The following PDZD7 variants were observed in gnomAD, a reference collection of about 807,000 sequenced individuals.
PDZD7 encodes the protein PDZ domain-containing protein 7.
Under a neutral mutation model 84.7 loss-of-function variants are expected in PDZD7, and 72 were observed. The observed-to-expected ratio is 0.85, with a 90% confidence interval of 0.70 to 1.03. The LOEUF (loss-of-function observed/expected upper bound fraction) is 1.03. Among genes scored for constraint, PDZD7 ranks in the 50% least tolerant of loss-of-function variants. The pLI is 0.00. For synonymous variants in PDZD7, 594 were observed against 580.7 expected (o/e 1.02, Z -0.33); for missense variants, 1,490 against 1,412.9 (o/e 1.05, Z -0.87).
intron 12 of PDZD7, 70 bp from the exon 13 acceptor site, chr10:101,012,086 GC>G: frequency 6.5e-7 from 1 of 1,538,626 alleles, no homozygotes. Context: ...GTGCCAGGAT[GC>G]CCTTCAGCCC....
chr10:101,011,733 C>A lies in PDZD7; in HGVS notation c.1962G>T (p.Arg654=), dbSNP rs1852399151. 1.3e-6 allele frequency: 2 copies of A among 1,546,148 alleles called. No individual in the cohort carries two copies. The highest frequency in any genetic ancestry group is 2.4e-5 in the South Asian group (2 of 84,066). The change falls in exon 14 of 17, where the codon CGG becomes CGT. Residue 654 remains arginine (R), a synonymous_variant. Transcript: ENST00000619208. ...AVRPPALRPA[R]QDTPPKRHLI... is the part of the protein sequence containing the mutation. ...GGTGACGCTTGGGTGGCGTGTCCTGCCGGGCTGGTCTCAAAGCAGGAGGCC... is the reference window on the plus strand; with the variant it reads ...GGTGACGCTTGGGTGGCGTGTCCTGACGGGCTGGTCTCAAAGCAGGAGGCC...
At chr10:101,009,430 TC>T in intron 15 of PDZD7, 80 bp from the exon 16 acceptor site, 1 of 1,161,132 alleles carries the variant, frequency 8.6e-7, no homozygotes, top group Non-Finnish European at 1.2e-6. Flanking sequence ...TAGAATCCCA[TC>T]CCCAAATCCA....
intron 14 of PDZD7, 176 bp downstream of exon 14, chr10:101,011,514 G>A: frequency 7.0e-7 from 1 of 1,432,410 alleles, no homozygotes; most frequent in Non-Finnish European, 9.1e-7. Flanking sequence ...TAGTACAGGT[G>A]GTGACCAGCA....
intron 14 of PDZD7, 68 bp downstream of exon 14, chr10:101,011,621 AG>A: frequency 6.6e-7 from 1 of 1,520,148 alleles, no homozygotes; most frequent in Non-Finnish European, 8.8e-7. Context: ...AAGAAGTAGA[AG>A]GCCCATCCTC....
At position 101,030,098 on chromosome 10, in the gene PDZD7, C is replaced by T. The variant is rs934445599; in HGVS notation, c.122G>A (p.Arg41Gln). 1.2e-6 allele frequency: 2 copies of T among 1,614,058 alleles called. No homozygotes were observed. The highest frequency in any genetic ancestry group is 2.7e-5 in the African/African-American group (2 of 74,942). Residue 41 changes from arginine to glutamine, a missense_variant, in exon 2 of 17, where the codon CGA becomes CAA. By Grantham distance (43) the Arg-to-Gln change is conservative. Transcript: ENST00000619208. Reference protein sequence around the residue: ...LGSDSGSTATRYLLRKQQRLL... With the variant: ...LGSDSGSTATQYLLRKQQRLL... The stretch of plus-strand genomic sequence containing the variant: ...CCGTTGTTGCTTCCTTAGCAGGTAT[C>T]GCGTTGCGGTGGAGCCTGAGTCGCT...
At chr10:101,020,498 A>C in intron 7 of PDZD7, 120 bp downstream of exon 7, 1 of 962,992 alleles carries the variant, frequency 1.0e-6, no homozygotes, top group Non-Finnish European at 1.6e-6. Flanking sequence ...TCAGCCTCCC[A>C]AAATGCTGGG....
chr10:101,025,091 A>C (rs1937617075), intron 2 of PDZD7, among the ~76,000 whole-genome samples: 1 of 152,210 alleles, frequency 6.6e-6, no homozygotes, highest in Non-Finnish European at 1.5e-5. Flanking sequence ...AGATGTTTTC[A>C]TCTGTGTAAA....
At chr10:101,012,372 T>C in intron 11 of PDZD7, 114 bp from the exon 12 acceptor site, 1 of 915,526 alleles carries the variant, frequency 1.1e-6, no homozygotes, top group Middle Eastern at 2.2e-4. Flanking sequence ...TATCCAGCCC[T>C]GCGTGCCTTG....
Position 101,018,851 on chromosome 10 carries a change from G to A in PDZD7, c.1295C>T (p.Thr432Met), listed in dbSNP as rs1433903629. The A allele has an allele frequency of 1.2e-6, 2 of 1,603,298 alleles. No homozygotes were observed. The highest frequency in any genetic ancestry group is 1.7e-6 in the Non-Finnish European group (2 of 1,174,836). Reference protein sequence around the residue: ...LALSRPRPPITRSQSYLTLWE... With the variant: ...LALSRPRPPIMRSQSYLTLWE... The stretch of plus-strand genomic sequence containing the variant: ...CAAGGTCAGATAGCTCTGGGAGCGC[G>A]TGATGGGGGGCCGGGGTCGGCTGAG... Residue 432 changes from threonine to methionine, a missense_variant, in exon 8 of 17, where the codon ACG (threonine) becomes ATG (methionine). Thr to Met is a moderately conservative substitution (Grantham distance 81). Transcript: ENST00000619208.
chr10:101,019,233 A>G lies in PDZD7; in HGVS notation c.929-16T>C. On this transcript the variant is annotated splice_polypyrimidine_tract_variant and intron_variant, in intron 7 of 16. Transcript: ENST00000619208. ...CCGTTGCTCACTGCAGGGAGTAGAGAAGCCAGGGATCAGCGGGCTTGCTTC... is the reference window on the plus strand; with the variant it reads ...CCGTTGCTCACTGCAGGGAGTAGAGGAGCCAGGGATCAGCGGGCTTGCTTC... 1 of 1,535,348 alleles carries G rather than the reference A, an allele frequency of 6.5e-7. No homozygotes were observed. The highest frequency in any genetic ancestry group is 8.7e-7 in the Non-Finnish European group (1 of 1,146,678).
intron 14 of PDZD7, chr10:101,011,269 C>A: frequency 2.6e-6 from 1 of 385,128 alleles, no homozygotes; most frequent in Non-Finnish European, 4.3e-6. Context: ...CTCTACTCCT[C>A]ACCTCAAGCG....
At position 101,010,300 on chromosome 10, in the gene PDZD7, C is replaced by G. The variant is rs1260336721; in HGVS notation, c.2589G>C (p.Val863=). 1.4e-5 allele frequency: 21 copies of G among 1,534,510 alleles called. No homozygotes were observed. Among genetic ancestry groups the G allele is most frequent in the Non-Finnish European group, 1.8e-5 (21 of 1,145,460 alleles). ...AGGACTGCTTCATCTTGGACAGTGT[C>G]ACTGTCTTCAGCTCGCCACTGGGGT... is the stretch of plus-strand genomic sequence containing the variant. The part of the protein sequence containing the change: ...MKNPSGELKT[V]TLSKMKQSLG... The change falls in exon 15 of 17, where the codon GTG becomes GTC. Residue 863 remains valine, a synonymous_variant. Coordinates refer to ENST00000619208, the MANE Select transcript of PDZD7 (RefSeq NM_001195263.2).
chr10:101,021,699 T>G (rs117182099), intron 6 of PDZD7, 99 bp downstream of exon 6: 552 of 1,552,680 alleles, frequency 3.6e-4, no homozygotes, highest in Middle Eastern at 5.0e-4. Context: ...CTAGTGGCTG[T>G]GGGAACGTCA....
chr10:101,030,928 G>T (rs569716122), intron 1 of PDZD7, 145 bp downstream of exon 1: 57 of 155,006 alleles, frequency 3.7e-4, no homozygotes, highest in Middle Eastern at 6.8e-3. Context: ...GCTTTGGGGA[G>T]GATCTGCTGG....
Position 101,023,205 on chromosome 10 carries a change from G to A in PDZD7, c.542+231C>T, listed in dbSNP as rs549303624. ...CTCTGGGTTTCACAGCAGGAGCAGCGGCAATGTGGCAGCAGAACCACTGGG... is the reference window on the plus strand; with the variant it reads ...CTCTGGGTTTCACAGCAGGAGCAGCAGCAATGTGGCAGCAGAACCACTGGG... On this transcript the variant is annotated intron_variant, in intron 4 of 16. Transcript: ENST00000619208. The A allele has an allele frequency of 5.3e-4, 308 of 577,328 alleles. 1 individual carries two copies. Among genetic ancestry groups the A allele is most frequent in the Non-Finnish European group, 7.3e-4 (235 of 321,666 alleles). 35.8% of individuals were successfully genotyped at this position (577,328 alleles called of 1,614,324 possible). A position where few individuals can be genotyped will look rare whatever the true frequency, so the allele number is the denominator to read the frequency against.
At chr10:101,016,998 C>T (rs1329392941) in intron 9 of PDZD7, among the ~76,000 whole-genome samples, 2 of 152,162 alleles carry the variant, frequency 1.3e-5, no homozygotes, top group Non-Finnish European at 2.9e-5. Flanking sequence ...GACATCCACC[C>T]CCCTCTTCTG....
At position 101,010,303 on chromosome 10, in the gene PDZD7, T is replaced by C. The variant is rs1430686128; in HGVS notation, c.2586A>G (p.Thr862=). The C allele has an allele frequency of 2.6e-6, 4 of 1,534,554 alleles. No individual in the cohort carries two copies. The highest frequency in any genetic ancestry group is 2.0e-5 in the Admixed American group (1 of 50,968). Residue 862 remains threonine, a synonymous_variant, in exon 15 of 17, where the codon ACA becomes ACG. Transcript: ENST00000619208. ...AMKNPSGELK[T]VTLSKMKQSL... The stretch of plus-strand genomic sequence containing the variant: ...ACTGCTTCATCTTGGACAGTGTCAC[T>C]GTCTTCAGCTCGCCACTGGGGTTCT...
intron 7 of PDZD7, 85 bp downstream of exon 7, chr10:101,020,533 T>A: frequency 1.5e-6 from 2 of 1,304,362 alleles, no homozygotes; most frequent in Non-Finnish European, 2.2e-6. Flanking sequence ...CCACCAAGCC[T>A]GGCCCTTTTC....
At position 101,030,327 on chromosome 10, in the gene PDZD7, G is replaced by A. The variant is rs934351189; in HGVS notation, c.-108C>T. The A allele has an allele frequency of 3.0e-5, 30 of 986,488 alleles. No individual in the cohort carries two copies. In the African/African-American group the frequency reaches 4.5e-4, roughly 15 times the overall value. The allele number at this position is 986,488 out of a possible 1,614,324, so 61.1% of individuals were successfully genotyped here. A position where few individuals can be genotyped will look rare whatever the true frequency, so the allele number is the denominator to read the frequency against. ...CCATGAGCCTCTGTGCGGGGCTGGG[G>A]TCTCAGTAACGTGAAGGCCCTCGCT... On this transcript the variant is annotated 5_prime_UTR_variant, in exon 2 of 17. Transcript: ENST00000619208.
Sources: gnomAD v4.1 joint callset for allele counts (sites outside exome capture counted in the v4.1 genomes callset) on GRCh38, gnomAD v4.1.1 for gene constraint, MANE v1.5 for transcripts, NCBI Gene and HGNC (gene_info 2026-07-23, HGNC 2026-07-21) for gene names.